Variants in GALNT9 observed in about 807,000 individuals in gnomAD.
GALNT9 encodes the protein GalNAc transferase 9.
In GALNT9, 47 loss-of-function variants were observed where a neutral mutation model predicts 63.1. That is an observed-to-expected ratio of 0.75 (90% CI 0.59 to 0.95). GALNT9 has a LOEUF of 0.95. GALNT9 is among the 40% of genes least tolerant of loss of function. The pLI, the probability that GALNT9 is intolerant of heterozygous loss-of-function variation, is 0.00. For missense variants in GALNT9, 829 were observed against 874.8 expected (o/e 0.95, Z 0.66); for synonymous variants, 396 against 365.7 (o/e 1.08, Z -0.94).
chr12:132,199,090 C>G, intron 9 of GALNT9, 84 bp downstream of exon 9: 1 of 887,582 alleles, frequency 1.1e-6, no homozygotes, highest in Non-Finnish European at 1.8e-6. Context: ...AGGCTGGACC[C>G]GTGCCTCTGC....
intron 6 of GALNT9, among the ~76,000 whole-genome samples, chr12:132,240,303 C>A (rs1878199768): frequency 6.6e-6 from 1 of 152,156 alleles, no homozygotes; most frequent in African/African-American, 2.4e-5. Flanking sequence ...CTCCCTGTAG[C>A]CCCGGCCCGG....
intron 6 of GALNT9, among the ~76,000 whole-genome samples, chr12:132,204,652 A>C (rs1396067060): frequency 6.6e-6 from 1 of 151,730 alleles, no homozygotes; most frequent in East Asian, 2.0e-4. Flanking sequence ...CCTTAGATGA[A>C]CTTTCACAGC....
rs540371143 is a variant in GALNT9 at position 132,217,803 on chromosome 12, C to T, written c.1078-14113G>A. On this transcript the variant is annotated intron_variant, in intron 6 of 10. Transcript: ENST00000328957. Reference sequence around the variant, plus strand: ...GCATCCACCCAGCCATCCATCCATCCGTCCATTCACCCATCCATCCACCCA... The same window carrying T: ...GCATCCACCCAGCCATCCATCCATCTGTCCATTCACCCATCCATCCACCCA... 1.1e-4 allele frequency among the ~76,000 whole-genome samples: 16 copies of T among 151,032 alleles called. No homozygotes were observed. The South Asian group carries it at 2.8e-3, about 26-fold the overall frequency.
At position 132,199,774 on chromosome 12, in the gene GALNT9, T is replaced by G. The variant is rs112382270; in HGVS notation, c.1402-505A>C. ...GTCATCGGGCAGCCAACCTCCAGCC[T>G]CCAGAACAGGCCCATCGGAGATCAG... is the stretch of plus-strand genomic sequence containing the variant. On this transcript the variant is annotated intron_variant, in intron 8 of 10. Transcript: ENST00000328957. Among the ~76,000 whole-genome samples the G allele has an allele frequency of 2.1e-3, 319 of 152,290 alleles. 1 individual carries two copies. The highest frequency in any genetic ancestry group is 7.4e-3 in the African/African-American group (308 of 41,550).
At chr12:132,202,273 G>GGTCATCACCCTGCAC (rs1157332918) in intron 7 of GALNT9, among the ~76,000 whole-genome samples, 1 of 152,204 alleles carries the variant, frequency 6.6e-6, no homozygotes, top group Non-Finnish European at 1.5e-5. Context: ...CACTTGGGGA[G>GGTCATCACCCTGCAC]GTCATCACCC....
intron 1 of GALNT9, 64 bp downstream of exon 1, chr12:132,328,902 G>C (rs1342784524): frequency 6.3e-6 from 9 of 1,422,644 alleles, no homozygotes; most frequent in Non-Finnish European, 8.2e-6. Context: ...CTGACCCATC[G>C]CGCCCGGGGT....
chr12:132,239,011 G>C (rs1309682551), intron 6 of GALNT9, among the ~76,000 whole-genome samples: 2 of 152,300 alleles, frequency 1.3e-5, no homozygotes, highest in Non-Finnish European at 1.5e-5. Flanking sequence ...CGAAAGGTGA[G>C]ACTGTTCAGC....
At chr12:132,216,966 C>T (rs1019817634) in intron 6 of GALNT9, among the ~76,000 whole-genome samples, 2 of 152,194 alleles carry the variant, frequency 1.3e-5, no homozygotes, top group Non-Finnish European at 2.9e-5. Flanking sequence ...GTGTTGTGAT[C>T]CACTAAACTG....
In GALNT9 at chr12:132,248,026, T is replaced by C; in HGVS notation, c.961A>G (p.Thr321Ala). Residue 321 changes from threonine (T) to alanine (A), a missense_variant and splice_region_variant, in exon 6 of 11, where the codon ACC (threonine) becomes GCC (alanine). Transcript: ENST00000328957. ...DRGDESAPIR[T>A]PAMIGCSFVV... ...AAGGAGCAGCCGATCATGGCTGGGG[T>C]CCTGGGAGGCAGAGACAGCGGCGTG... 7 of 1,549,090 alleles carry C rather than the reference T, an allele frequency of 4.5e-6. No individual in the cohort carries two copies. Among genetic ancestry groups the C allele is most frequent in the Non-Finnish European group, 6.1e-6 (7 of 1,145,632 alleles).
chr12:132,218,876 G>A (rs1336523832), intron 6 of GALNT9, among the ~76,000 whole-genome samples: 5 of 152,222 alleles, frequency 3.3e-5, no homozygotes, highest in Non-Finnish European at 7.3e-5. Flanking sequence ...TCAAACAAAT[G>A]AGAGAAACAG....
chr12:132,238,910 A>C lies in GALNT9; in HGVS notation c.1077+9000T>G, dbSNP rs1322551639. On this transcript the variant is annotated intron_variant, in intron 6 of 10. Transcript: ENST00000328957. The surrounding 1 kb of genome is among the most constrained non-coding windows in gnomAD (Gnocchi z 6.5). ...CATTATCTCTTGCCAAAAATGAGAG[A>C]TAACTGTACAAATAAATACAATAAG... 6.6e-6 allele frequency among the ~76,000 whole-genome samples: 1 copy of C among 152,232 alleles called. No homozygotes were observed. Among genetic ancestry groups the C allele is most frequent in the Non-Finnish European group, 1.5e-5 (1 of 68,034 alleles).
chr12:132,201,196 G>A lies in GALNT9; in HGVS notation c.1329C>T (p.Arg443=), dbSNP rs775955452. The A allele has an allele frequency of 6.2e-7, 1 of 1,613,068 alleles. No individual in the cohort carries two copies. Among genetic ancestry groups the A allele is most frequent in the East Asian group, 2.2e-5 (1 of 44,882 alleles). ...CGTTCTCCAGGTACCACTTGAAGCTGCGACACTTCAGCCTCTGACGCAGGG... is the reference window on the plus strand; with the variant it reads ...CGTTCTCCAGGTACCACTTGAAGCTACGACACTTCAGCCTCTGACGCAGGG... ...RLALRQRLKC[R]SFKWYLENVY... The change falls in exon 8 of 11, where the codon CGC becomes CGT. Residue 443 remains arginine, a synonymous_variant. Coordinates refer to ENST00000328957, the MANE Select transcript of GALNT9 (RefSeq NM_001122636.2).
At chr12:132,250,989 G>A (rs1186491427) in intron 5 of GALNT9, among the ~76,000 whole-genome samples, 6 of 152,186 alleles carry the variant, frequency 3.9e-5, no homozygotes, top group Non-Finnish European at 5.9e-5. Context: ...CAGCGCGCGC[G>A]TAAGACACAA....
intron 6 of GALNT9, chr12:132,240,801 T>C (rs2136899527): frequency 0.18 from 74,360 of 403,876 alleles, 7,908 homozygotes; most frequent in Middle Eastern, 0.33. Context: ...TTTACACACA[T>C]GCCACACACC....
intron 1 of GALNT9, among the ~76,000 whole-genome samples, chr12:132,305,223 G>A (rs1263149993): frequency 2.2e-5 from 1 of 45,448 alleles, no homozygotes; most frequent in Non-Finnish European, 3.6e-5. Flanking sequence ...ACCCTCGCCC[G>A]GACACACCCT....
At chr12:132,318,850 G>C (rs1178396342) in intron 1 of GALNT9, among the ~76,000 whole-genome samples, 2 of 152,210 alleles carry the variant, frequency 1.3e-5, no homozygotes, top group Non-Finnish European at 2.9e-5. Context: ...AGTCCCACAG[G>C]GCACTCCTCC....
intron 1 of GALNT9, among the ~76,000 whole-genome samples, chr12:132,309,664 G>C (rs1421885425): frequency 6.6e-6 from 1 of 152,252 alleles, no homozygotes; most frequent in Admixed American, 6.5e-5. Context: ...GCCTGCAGCA[G>C]ACCTAGGCCC....
At chr12:132,212,266 A>T (rs2135514478) in intron 6 of GALNT9, among the ~76,000 whole-genome samples, 1 of 66,362 alleles carries the variant, frequency 1.5e-5, no homozygotes. Flanking sequence ...CCGGGTCTGC[A>T]GCCCTCAGAC....
chr12:132,226,536 A>C (rs1159732717), intron 6 of GALNT9, among the ~76,000 whole-genome samples: 1 of 144,168 alleles, frequency 6.9e-6, no homozygotes, highest in Non-Finnish European at 1.5e-5. Context: ...CACATACACA[A>C]CACACAACCC....
Sources: gnomAD v4.1 joint callset for allele counts (sites outside exome capture counted in the v4.1 genomes callset) on GRCh38, gnomAD v4.1.1 for gene constraint, Gnocchi (gnomAD v3.1) non-coding constraint, MANE v1.5 for transcripts, NCBI Gene and HGNC (gene_info 2026-07-23, HGNC 2026-07-21) for gene names.